LIPA: variants seen among roughly 807,000 people sequenced by gnomAD.
LIPA encodes lipase A, lysosomal acid type.
In LIPA, 26 loss-of-function variants were observed where a neutral mutation model predicts 40.6. That is an observed-to-expected ratio of 0.64 (90% CI 0.47 to 0.89). The LOEUF is 0.89. Ranked by LOEUF, LIPA falls within the 40% of genes least tolerant of loss-of-function variation. The pLI, the probability that LIPA is intolerant of heterozygous loss-of-function variation, is 0.00. For synonymous variants in LIPA, 188 were observed against 168.4 expected (o/e 1.12, Z -0.90); for missense variants, 455 against 479.6 (o/e 0.95, Z 0.48).
chr10:89,298,494 T>C (rs1843428042), intron 1 of LIPA, among the ~76,000 whole-genome samples: 1 of 152,178 alleles, frequency 6.6e-6, no homozygotes, highest in Non-Finnish European at 1.5e-5. Context: ...ACTCAACCAA[T>C]ATTGTTGATA....
At chr10:89,356,965 G>C (rs116541680) in intron 2 of LIPA, among the ~76,000 whole-genome samples, 4,621 of 152,248 alleles carry the variant, frequency 0.03, 126 homozygotes, top group African/African-American at 0.071. Flanking sequence ...TCCCTCCCCA[G>C]AGGTTGGGGG....
rs929092613 is a variant in LIPA at position 89,412,390 on chromosome 10, G to A, written c.61+401C>T. Among the ~76,000 whole-genome samples, 5 of 152,254 alleles carry A rather than the reference G, an allele frequency of 3.3e-5. No individual in the cohort carries two copies. The South Asian group carries it at 1.0e-3, about 32-fold the overall frequency. On this transcript the variant is annotated intron_variant, in intron 2 of 8. Coordinates refer to the LIPA transcript ENST00000371837. ...AGCACTCTGTAAAATGGACCAATCA[G>A]CACTCTGTAAAATGGACCAATCAGC... is the stretch of plus-strand genomic sequence containing the variant.
intron 1 of LIPA, among the ~76,000 whole-genome samples, chr10:89,323,698 G>GA (rs2133534052): frequency 6.6e-6 from 1 of 152,082 alleles, no homozygotes; most frequent in Admixed American, 6.5e-5. Flanking sequence ...GCCACAAAAA[G>GA]AATAAAATAC....
chr10:89,338,715 C>T (rs764722879), intron 1 of LIPA: 1 of 1,613,774 alleles, frequency 6.2e-7, no homozygotes. Context: ...AATGCCATTT[C>T]ACCTGGAACT....
intron 8 of LIPA, among the ~76,000 whole-genome samples, chr10:89,217,937 G>A (rs10749600): frequency 0.57 from 86,118 of 152,006 alleles, 25,814 homozygotes; most frequent in East Asian, 0.84. Context: ...ATACACAAGG[G>A]GTATGCCACT....
chr10:89,353,400 C>T (rs1191192426), intron 2 of LIPA, among the ~76,000 whole-genome samples: 2 of 152,198 alleles, frequency 1.3e-5, no homozygotes, highest in African/African-American at 4.8e-5. Context: ...CATGCAGCCC[C>T]AGCCCCTCCC....
chr10:89,237,453 C>CAA (rs77561722), intron 3 of LIPA, among the ~76,000 whole-genome samples: 1 of 139,126 alleles, frequency 7.2e-6, no homozygotes, highest in East Asian at 1.9e-4. Context: ...TCCATTCTAA[C>CAA]AAAAAAAAAT....
chr10:89,305,896 C>T (rs922817184), intron 1 of LIPA: 13 of 1,119,472 alleles, frequency 1.2e-5, no homozygotes, highest in South Asian at 5.8e-5. Context: ...ATTTTATTTG[C>T]CATGCTCCCA....
chr10:89,332,224 G>C (rs1250914252), intron 1 of LIPA, among the ~76,000 whole-genome samples: 1 of 152,220 alleles, frequency 6.6e-6, no homozygotes. Context: ...ACAGGTCAAA[G>C]AGCAACAGTC....
intron 1 of LIPA, among the ~76,000 whole-genome samples, chr10:89,295,200 G>A (rs1843406107): frequency 6.6e-6 from 1 of 152,058 alleles, no homozygotes; most frequent in Non-Finnish European, 1.5e-5. Context: ...TCATATAGGT[G>A]GGAACACATT....
At chr10:89,412,698 G>T (rs914953747) in intron 2 of LIPA, 1 of 422,698 alleles carries the variant, frequency 2.4e-6, no homozygotes, top group Non-Finnish European at 4.7e-6. Flanking sequence ...CGGGAGGAAC[G>T]AACAACTCCG....
In LIPA at chr10:89,226,798, A is replaced by G. The variant is rs899463471; in HGVS notation, c.538+97T>C. 8 of 751,608 alleles carry G rather than the reference A, an allele frequency of 1.1e-5. No individual in the cohort carries two copies. The African/African-American group carries it at 1.2e-4, about 12-fold the overall frequency. 46.6% of individuals were successfully genotyped at this position (751,608 alleles called of 1,614,324 possible). ...TGTTTGGCATTTAAAAATAAATGGA[A>G]TTTGAACTAACATCTTTTTATATTT... On this transcript the variant is annotated intron_variant, in intron 5 of 9. Transcript: ENST00000336233.
At chr10:89,220,996 C>T (rs1220942895) in intron 8 of LIPA, among the ~76,000 whole-genome samples, 1 of 151,794 alleles carries the variant, frequency 6.6e-6, no homozygotes, top group African/African-American at 2.4e-5. Flanking sequence ...TGTTCTCATG[C>T]AAGCTCTAGA....
In LIPA at chr10:89,250,098, C is replaced by CTTTCTTTTTTTTTT. The variant is rs1564767178; in HGVS notation, c.-2+1638_-2+1639insAAAAAAAAAAGAAA. 6.1e-4 allele frequency among the ~76,000 whole-genome samples: 62 copies of CTTTCTTTTTTTTTT among 101,664 alleles called. 1 individual carries two copies. Among genetic ancestry groups the CTTTCTTTTTTTTTT allele is most frequent in the Middle Eastern group, 6.0e-3 (1 of 166 alleles). 66.7% of individuals were successfully genotyped at this position (101,664 alleles called of 152,430 possible). A position where few individuals can be genotyped will look rare whatever the true frequency, so the allele number is the denominator to read the frequency against. On this transcript the variant is annotated intron_variant, in intron 1 of 9. Transcript: ENST00000336233. ...TCTTTTTTCTTTTTCTTTTTCTTTTCTTTTCTTTCTTTTTTTTTTTTGAGA... is the reference window on the plus strand; with the variant it reads ...TCTTTTTTCTTTTTCTTTTTCTTTTCTTTCTTTTTTTTTTTTTTCTTTCTTTTTTTTTTTTGAGA...
chr10:89,320,815 C>T (rs1257437217), intron 1 of LIPA, among the ~76,000 whole-genome samples: 2 of 152,176 alleles, frequency 1.3e-5, no homozygotes, highest in Non-Finnish European at 2.9e-5. Context: ...TGACTTCAAA[C>T]TATACTACAA....
At position 89,403,633 on chromosome 10, in the gene LIPA, T is replaced by G. The variant is rs149279973; in HGVS notation, c.61+9158A>C. 7 of 1,614,098 alleles carry G rather than the reference T, an allele frequency of 4.3e-6. No homozygotes were observed. The South Asian group carries it at 7.7e-5, about 18-fold the overall frequency. Reference sequence around the variant, plus strand: ...TTCGTCTACAAATTGGAAGGAAATATGAATGAAGCCCTGGAGTACTATGAG... The same window carrying G: ...TTCGTCTACAAATTGGAAGGAAATAGGAATGAAGCCCTGGAGTACTATGAG... On this transcript the variant is annotated intron_variant, in intron 2 of 8. Coordinates refer to the LIPA transcript ENST00000371837.
intron 1 of LIPA, chr10:89,414,383 G>C (rs1206093734): frequency 5.6e-6 from 1 of 179,848 alleles, no homozygotes; most frequent in Non-Finnish European, 1.1e-5. Flanking sequence ...ACAGTTACAC[G>C]GGCAGCATGC....
intron 2 of LIPA, among the ~76,000 whole-genome samples, chr10:89,360,099 ACT>A (rs1247630395): frequency 2.6e-5 from 4 of 152,124 alleles, no homozygotes; most frequent in Non-Finnish European, 5.9e-5. Context: ...AGGTTCCCTG[ACT>A]CTCTGCTTCC....
chr10:89,379,700 C>T (rs970403302), intron 2 of LIPA, among the ~76,000 whole-genome samples: 1 of 151,998 alleles, frequency 6.6e-6, no homozygotes, highest in Non-Finnish European at 1.5e-5. Context: ...CACAAGAGTA[C>T]CCAAGTCTCT....
Sources: allele counts gnomAD v4.1 joint callset (sites outside exome capture counted in the v4.1 genomes callset), GRCh38; gene constraint gnomAD v4.1.1; transcripts MANE v1.5; gene names NCBI Gene and HGNC (gene_info 2026-07-23, HGNC 2026-07-21).